The following CCDC192 variants were observed in gnomAD, a reference collection of about 807,000 sequenced individuals.
The protein encoded by CCDC192 is coiled-coil domain containing 192, also known as coiled-coil domain-containing protein 192.
intron 5 of CCDC192, among the ~76,000 whole-genome samples, chr5:127,834,823 TTG>T (rs1395543222): frequency 6.6e-6 from 1 of 152,198 alleles, no homozygotes; most frequent in Non-Finnish European, 1.5e-5. Flanking sequence ...GAATATGTGA[TTG>T]TGCAATAATA....
At chr5:127,851,719 G>A (rs1750805646) in intron 5 of CCDC192, among the ~76,000 whole-genome samples, 1 of 152,182 alleles carries the variant, frequency 6.6e-6, no homozygotes, top group Admixed American at 6.5e-5. Context: ...GCCTCCCAAA[G>A]TGCTGGGATT....
At chr5:127,740,212 C>T (rs1753331644) in intron 2 of CCDC192, 2 of 152,216 alleles carry the variant, frequency 1.3e-5, no homozygotes. Context: ...AACTGAGGTG[C>T]ACTGAGTAGC....
In CCDC192 at chr5:127,785,308, A is replaced by G. The variant is rs543134683; in HGVS notation, c.223-11795A>G. 199 of 471,994 alleles carry G rather than the reference A, an allele frequency of 4.2e-4. 4 individuals carry two copies. Among genetic ancestry groups the G allele is most frequent in the South Asian group, 3.1e-3 (188 of 59,778 alleles). The allele number at this position is 471,994 out of a possible 1,614,324, so 29.2% of individuals were successfully genotyped here. A position where few individuals can be genotyped will look rare whatever the true frequency, so the allele number is the denominator to read the frequency against. ...AACATACAAGACTGCTTAAAGGGCC[A>G]GGACCCAGAGCTCAGCACCTGAATG... On this transcript the variant is annotated intron_variant, in intron 3 of 6. Coordinates refer to ENST00000514853, the MANE Select transcript of CCDC192 (RefSeq NM_001317938.2).
At chr5:127,933,583 C>T (rs1158204753) in intron 6 of CCDC192, among the ~76,000 whole-genome samples, 4 of 152,172 alleles carry the variant, frequency 2.6e-5, no homozygotes, top group Non-Finnish European at 5.9e-5. Flanking sequence ...ATTCATTCTA[C>T]GTGTTCACTA....
At chr5:127,843,815 A>G (rs565719001) in intron 5 of CCDC192, among the ~76,000 whole-genome samples, 19 of 152,330 alleles carry the variant, frequency 1.2e-4, no homozygotes, top group Non-Finnish European at 2.2e-4. Context: ...GTTTTCATGT[A>G]GGCGATTTCT....
intron 6 of CCDC192, among the ~76,000 whole-genome samples, chr5:127,915,898 G>C (rs555809741): frequency 1.3e-5 from 2 of 152,276 alleles, no homozygotes; most frequent in African/African-American, 4.8e-5. Flanking sequence ...CTGAAGGTCT[G>C]GGGGGCTGTG....
intron 4 of CCDC192, 30 bp from the exon 5 acceptor site, chr5:127,798,075 TA>T: frequency 2.5e-6 from 1 of 397,940 alleles, no homozygotes; most frequent in East Asian, 3.6e-5. Context: ...AAGAGTTACA[TA>T]CTTAGTTTCT....
chr5:127,745,713 A>G (rs1753702264), intron 2 of CCDC192, among the ~76,000 whole-genome samples: 1 of 152,170 alleles, frequency 6.6e-6, no homozygotes, highest in Non-Finnish European at 1.5e-5. Flanking sequence ...TATTGCCTAT[A>G]TTTTCATCAT....
intron 2 of CCDC192, among the ~76,000 whole-genome samples, chr5:127,725,348 G>A (rs546494192): frequency 6.6e-6 from 1 of 152,266 alleles, no homozygotes; most frequent in Admixed American, 6.5e-5. Flanking sequence ...TCCATCATCA[G>A]CATTAGTGTG....
chr5:127,812,618 T>C (rs1758140654), intron 5 of CCDC192, among the ~76,000 whole-genome samples: 1 of 152,240 alleles, frequency 6.6e-6, no homozygotes, highest in African/African-American at 2.4e-5. Context: ...AAAAAATACA[T>C]GTCCCTGTTG....
chr5:127,896,830 G>A (rs1208573591), intron 6 of CCDC192, among the ~76,000 whole-genome samples: 1 of 152,080 alleles, frequency 6.6e-6, no homozygotes, highest in East Asian at 1.9e-4. Flanking sequence ...ATAGCACAAA[G>A]GACCAATCCC....
At position 127,855,256 on chromosome 5, in the gene CCDC192, C is replaced by T. The variant is rs1751013945; in HGVS notation, c.412-20282C>T. 3.9e-5 allele frequency among the ~76,000 whole-genome samples: 6 copies of T among 152,236 alleles called. 1 individual carries two copies. Among genetic ancestry groups the T allele is most frequent in the South Asian group, 4.1e-4 (2 of 4,830 alleles). On this transcript the variant is annotated intron_variant, in intron 5 of 6. Transcript: ENST00000514853. ...TCAAACCCTGCCACTGCTATATCAT[C>T]TAAGTTTATGTAATATTCTAAATTC...
chr5:127,749,746 A>G (rs922247825), intron 2 of CCDC192, among the ~76,000 whole-genome samples: 49 of 151,594 alleles, frequency 3.2e-4, no homozygotes, highest in African/African-American at 1.2e-3. Context: ...CTGGTCCTGG[A>G]CTCTTTTTGG....
At chr5:127,922,620 A>G (rs368430276) in intron 6 of CCDC192, among the ~76,000 whole-genome samples, 4 of 152,320 alleles carry the variant, frequency 2.6e-5, no homozygotes, top group African/African-American at 9.6e-5. Flanking sequence ...ACACACTTGT[A>G]GTCCCAGCTA....
chr5:127,845,566 C>T (rs1369596056), intron 5 of CCDC192, among the ~76,000 whole-genome samples: 1 of 152,130 alleles, frequency 6.6e-6, no homozygotes, highest in African/African-American at 2.4e-5. Context: ...GAAAAACAAA[C>T]AAACAAACAC....
At chr5:127,877,758 A>C (rs536169295) in intron 6 of CCDC192, among the ~76,000 whole-genome samples, 1 of 152,268 alleles carries the variant, frequency 6.6e-6, no homozygotes, top group Admixed American at 6.5e-5. Context: ...ACCCCTATTT[A>C]ATCACAGGAC....
chr5:127,759,248 G>A (rs1476594965), intron 3 of CCDC192, among the ~76,000 whole-genome samples: 1 of 152,090 alleles, frequency 6.6e-6, no homozygotes, highest in Non-Finnish European at 1.5e-5. Flanking sequence ...TCCCTTTGTG[G>A]TTATTATGGC....
intron 6 of CCDC192, among the ~76,000 whole-genome samples, chr5:127,922,077 G>C (rs1350820474): frequency 6.6e-6 from 1 of 152,122 alleles, no homozygotes; most frequent in Non-Finnish European, 1.5e-5. Flanking sequence ...AAAAATAATT[G>C]ATTAAATTTC....
At chr5:127,900,097 G>T (rs1752997654) in intron 6 of CCDC192, among the ~76,000 whole-genome samples, 1 of 152,084 alleles carries the variant, frequency 6.6e-6, no homozygotes. Flanking sequence ...AGAGCGGAAA[G>T]AATCAGAAAA....
Sources: allele counts gnomAD v4.1 joint callset (sites outside exome capture counted in the v4.1 genomes callset), GRCh38; gene constraint gnomAD v4.1.1; transcripts MANE v1.5; gene names NCBI Gene and HGNC (gene_info 2026-07-23, HGNC 2026-07-21).